POLR3B: variants seen among roughly 807,000 people sequenced by gnomAD.
POLR3B encodes DNA-directed RNA polymerase III subunit RPC2.
Under a neutral mutation model 147.4 loss-of-function variants are expected in POLR3B, and 96 were observed. The observed-to-expected ratio is 0.65, with a 90% CI of 0.55 to 0.77. POLR3B has a LOEUF of 0.77. POLR3B is among the 30% of genes least tolerant of loss of function. The pLI, the probability that POLR3B is intolerant of heterozygous loss-of-function variation, is 0.00. For missense variants in POLR3B, 1,036 were observed against 1,413.5 expected, an observed-to-expected ratio of 0.73 and a Z score of 4.28; for synonymous variants, 461 against 485.9, an observed-to-expected ratio of 0.95 and a Z score of 0.67.
chr12:106,491,094 A>G (rs929114944), intron 23 of POLR3B, among the ~76,000 whole-genome samples: 6 of 152,152 alleles, frequency 3.9e-5, no homozygotes, highest in African/African-American at 1.4e-4. Context: ...TCCTGCTGAG[A>G]GTAATTAGGT....
chr12:106,407,760 C>T (rs569667075), intron 11 of POLR3B, among the ~76,000 whole-genome samples: 10 of 151,668 alleles, frequency 6.6e-5, no homozygotes, highest in Non-Finnish European at 4.4e-5. Flanking sequence ...AACTGGGAGG[C>T]GGAGGTAGCA....
At chr12:106,370,413 C>T (rs770908381) in intron 6 of POLR3B, among the ~76,000 whole-genome samples, 3 of 152,114 alleles carry the variant, frequency 2.0e-5, no homozygotes, top group South Asian at 2.1e-4. Context: ...TCAGGGAAGA[C>T]AGGCATATGT....
chr12:106,397,404 C>T (rs553242565), intron 10 of POLR3B, among the ~76,000 whole-genome samples: 9 of 152,276 alleles, frequency 5.9e-5, no homozygotes, highest in African/African-American at 2.2e-4. Flanking sequence ...CATGCCCCTT[C>T]CTAGTCAATC....
chr12:106,475,881 T>C (rs1443951740), intron 23 of POLR3B, among the ~76,000 whole-genome samples: 7 of 151,628 alleles, frequency 4.6e-5, no homozygotes, highest in African/African-American at 1.7e-4. Flanking sequence ...AAGTTAATAG[T>C]GTTATGTGTG....
At chr12:106,418,454 C>T (rs1158673214) in intron 12 of POLR3B, among the ~76,000 whole-genome samples, 1 of 152,140 alleles carries the variant, frequency 6.6e-6, no homozygotes, top group Non-Finnish European at 1.5e-5. Context: ...ATTTTGCAAC[C>T]AGTTTGTGTG....
At chr12:106,463,742 A>G in intron 23 of POLR3B, 122 bp downstream of exon 23, 1 of 799,292 alleles carries the variant, frequency 1.3e-6, no homozygotes, top group Non-Finnish European at 2.1e-6. Context: ...TGTTATAAAA[A>G]TTAATCTTGT....
intron 10 of POLR3B, among the ~76,000 whole-genome samples, chr12:106,399,432 A>G (rs1224219972): frequency 1.3e-5 from 2 of 152,218 alleles, no homozygotes; most frequent in Non-Finnish European, 2.9e-5. Context: ...AACTTCCCCA[A>G]TCTAGCAAGG....
intron 12 of POLR3B, 45 bp downstream of exon 12, chr12:106,411,005 A>T (rs1430559088): frequency 2.5e-6 from 4 of 1,580,944 alleles, no homozygotes; most frequent in Non-Finnish European, 3.5e-6. Context: ...CCTTAATGAA[A>T]ATTAATTTGG....
chr12:106,398,677 G>C (rs1412013988), intron 10 of POLR3B, among the ~76,000 whole-genome samples: 1 of 152,190 alleles, frequency 6.6e-6, no homozygotes, highest in African/African-American at 2.4e-5. Context: ...CGGTTCACCA[G>C]TACCTGCTGT....
chr12:106,399,273 G>A (rs1437310726), intron 10 of POLR3B, among the ~76,000 whole-genome samples: 4 of 152,086 alleles, frequency 2.6e-5, no homozygotes. Context: ...GAGAAGTTTA[G>A]AGAAAAAAGA....
intron 27 of POLR3B, 76 bp from the exon 28 acceptor site, chr12:106,509,344 A>T: frequency 1.4e-6 from 2 of 1,429,898 alleles, no homozygotes; most frequent in Non-Finnish European, 2.0e-6. Context: ...CTTTATAGAG[A>T]CCATTCTCAC....
chr12:106,389,601 G>GTT lies in POLR3B; in HGVS notation c.724-3419_724-3418dup, dbSNP rs111478237. Reference sequence around the variant, plus strand: ...GGACCAGCAGTGTTTAGGATTTCAGGTTTTTTTTTTTTAATTTTGGAATAT... The same window carrying GTT: ...GGACCAGCAGTGTTTAGGATTTCAGGTTTTTTTTTTTTTTAATTTTGGAATAT... On this transcript the variant is annotated intron_variant, in intron 9 of 27. Coordinates refer to ENST00000228347, the MANE Select transcript of POLR3B (RefSeq NM_018082.6). 2.8e-4 allele frequency among the ~76,000 whole-genome samples: 41 copies of GTT among 147,958 alleles called. 1 individual carries two copies. Among genetic ancestry groups the GTT allele is most frequent in the Admixed American group, 4.0e-4 (6 of 14,826 alleles).
At position 106,433,877 on chromosome 12, in the gene POLR3B, A is replaced by G; in HGVS notation, c.1781+5A>G. 1 of 1,610,396 alleles carries G rather than the reference A, an allele frequency of 6.2e-7. No homozygotes were observed. Among genetic ancestry groups the G allele is most frequent in the East Asian group, 2.2e-5 (1 of 44,802 alleles). On this transcript the variant is annotated splice_donor_5th_base_variant and intron_variant, in intron 16 of 27. Transcript: ENST00000228347. Reference sequence around the variant, plus strand: ...TGATGGGGGAAGGCTATGCAGGTATATATGCAGGTTACTAAAAAGAGTTTT... The same window carrying G: ...TGATGGGGGAAGGCTATGCAGGTATGTATGCAGGTTACTAAAAAGAGTTTT...
intron 25 of POLR3B, among the ~76,000 whole-genome samples, chr12:106,498,283 C>T (rs1301176553): frequency 6.6e-6 from 1 of 152,068 alleles, no homozygotes; most frequent in East Asian, 1.9e-4. Context: ...AGCCTGGCTG[C>T]GGTGCAGTGA....
intron 18 of POLR3B, among the ~76,000 whole-genome samples, chr12:106,440,168 C>T (rs2037630840): frequency 6.6e-6 from 1 of 152,204 alleles, no homozygotes; most frequent in Non-Finnish European, 1.5e-5. Flanking sequence ...ACAAAACTGT[C>T]TATTTCCGTC....
At chr12:106,410,032 T>C (rs532074426) in intron 11 of POLR3B, among the ~76,000 whole-genome samples, 2 of 152,230 alleles carry the variant, frequency 1.3e-5, no homozygotes, top group Non-Finnish European at 2.9e-5. Context: ...TGCTACAAAT[T>C]CATTCATCTG....
intron 6 of POLR3B, among the ~76,000 whole-genome samples, chr12:106,373,223 T>G (rs1593003839): frequency 6.6e-6 from 1 of 152,230 alleles, no homozygotes; most frequent in African/African-American, 2.4e-5. Flanking sequence ...ATTTTTCCAT[T>G]TTCCTTATGG....
At chr12:106,386,364 T>G (rs1212737819) in intron 9 of POLR3B, among the ~76,000 whole-genome samples, 1 of 147,880 alleles carries the variant, frequency 6.8e-6, no homozygotes, top group East Asian at 1.9e-4. Context: ...AAAAGAAAAC[T>G]TTATCTAATG....
At chr12:106,372,614 T>C (rs2036623895) in intron 6 of POLR3B, among the ~76,000 whole-genome samples, 1 of 152,116 alleles carries the variant, frequency 6.6e-6, no homozygotes, top group Admixed American at 6.6e-5. Context: ...GTGCAGAGAT[T>C]ACAAGCACGA....
Sources: gnomAD v4.1 joint callset for allele counts (sites outside exome capture counted in the v4.1 genomes callset) on GRCh38, gnomAD v4.1.1 for gene constraint, MANE v1.5 for transcripts, NCBI Gene and HGNC (gene_info 2026-07-23, HGNC 2026-07-21) for gene names.